VTI1A: variants seen among roughly 807,000 people sequenced by gnomAD.
The protein encoded by VTI1A is vesicle transport through interaction with t-SNAREs homolog 1A.
VTI1A carries 22 observed loss-of-function variants against 34.9 expected under a neutral mutation model. The ratio of observed to expected loss-of-function variants is 0.63; its 90% CI spans 0.45 to 0.90. The LOEUF (loss-of-function observed/expected upper bound fraction) is 0.90, where lower values mean the gene tolerates loss of function less well. Among genes scored for constraint, VTI1A ranks in the 40% least tolerant of loss-of-function variants. The probability of loss-of-function intolerance (pLI) is 0.00; values close to 1 mark genes in which losing one functional copy is unlikely to be tolerated. For missense variants in VTI1A, 268 were observed against 275.6 expected (o/e 0.97, Z 0.20); for synonymous variants, 87 against 97.3 (o/e 0.89, Z 0.62).
intron 3 of VTI1A, among the ~76,000 whole-genome samples, chr10:112,493,689 A>T (rs1451791487): frequency 6.6e-6 from 1 of 152,064 alleles, no homozygotes; most frequent in Non-Finnish European, 1.5e-5. Flanking sequence ...TAGGTGTTGG[A>T]TTTCATCAAA....
intron 3 of VTI1A, among the ~76,000 whole-genome samples, chr10:112,478,666 ACT>A (rs1202814406): frequency 6.6e-6 from 1 of 152,126 alleles, no homozygotes; most frequent in African/African-American, 2.4e-5. Flanking sequence ...GAAATTAATC[ACT>A]CTATGATAGT....
chr10:112,738,717 G>A (rs7086803), intron 7 of VTI1A, among the ~76,000 whole-genome samples: 29,671 of 152,096 alleles, frequency 0.2, 6,948 homozygotes, highest in African/African-American at 0.56. Flanking sequence ...TGAGTTTACA[G>A]TACGACAGAA....
chr10:112,538,800 T>A (rs1850751839), intron 5 of VTI1A, among the ~76,000 whole-genome samples: 1 of 151,424 alleles, frequency 6.6e-6, no homozygotes, highest in Admixed American at 6.6e-5. Flanking sequence ...TTCCTAATAA[T>A]CCTGTTTAAA....
chr10:112,514,115 T>C (rs1849698947), intron 3 of VTI1A, among the ~76,000 whole-genome samples: 1 of 152,048 alleles, frequency 6.6e-6, no homozygotes, highest in Admixed American at 6.6e-5. Flanking sequence ...TTTGGTAGAA[T>C]TCAGCAGTGA....
the VTI1A span, among the ~76,000 whole-genome samples, chr10:112,838,535 T>C: frequency 5.9e-5 from 9 of 152,320 alleles, no homozygotes; most frequent in African/African-American, 2.2e-4. Context: ...CAGTATTTTA[T>C]TGAAAGCATC....
chr10:112,619,580 C>T (rs949921253), intron 5 of VTI1A, among the ~76,000 whole-genome samples: 1 of 152,284 alleles, frequency 6.6e-6, no homozygotes. Context: ...AATATGTAGA[C>T]TATGTTTATT....
intron 7 of VTI1A, among the ~76,000 whole-genome samples, chr10:112,723,061 C>T (rs1356820722): frequency 6.6e-6 from 1 of 152,156 alleles, no homozygotes; most frequent in African/African-American, 2.4e-5. Flanking sequence ...TCACTCTGTG[C>T]CTCAAGTTCT....
intron 5 of VTI1A, among the ~76,000 whole-genome samples, chr10:112,624,380 C>T (rs1308506058): frequency 2.6e-5 from 4 of 152,106 alleles, no homozygotes; most frequent in African/African-American, 7.2e-5. Flanking sequence ...GATGTATTTG[C>T]TAGTGGTTCC....
chr10:112,854,046 C>G, the VTI1A span, among the ~76,000 whole-genome samples: 2 of 152,126 alleles, frequency 1.3e-5, no homozygotes, highest in African/African-American at 2.4e-5. Flanking sequence ...CAGCATGAAC[C>G]TAGAGCTGGA....
In VTI1A at chr10:112,815,618, G is replaced by A. The variant is rs2134096970; in HGVS notation, c.*235G>A. ...CCAGATTCGTTTTTTAGAGGGGAAG[G>A]TGAATGTTTATTTACCTTTTTGCTA... On this transcript the variant is annotated 3_prime_UTR_variant, in exon 8 of 8. Coordinates refer to ENST00000393077, the MANE Select transcript of VTI1A (RefSeq NM_145206.4). 5.6e-6 allele frequency: 3 copies of A among 536,818 alleles called. No homozygotes were observed. Among genetic ancestry groups the A allele is most frequent in the South Asian group, 2.1e-5 (1 of 46,780 alleles). The allele number at this position is 536,818 out of a possible 1,614,324, so 33.3% of individuals were successfully genotyped here. A position where few individuals can be genotyped will look rare whatever the true frequency, so the allele number is the denominator to read the frequency against.
intron 7 of VTI1A, among the ~76,000 whole-genome samples, chr10:112,786,580 A>T (rs540700667): frequency 1.1e-4 from 17 of 152,334 alleles, no homozygotes; most frequent in South Asian, 6.2e-4. Context: ...TAAATTTTTC[A>T]TAGATGCTCT....
rs556217775 is a variant in VTI1A, at chr10:112,719,084, G to A, written c.560+50086G>A. ...TCTGAAATTACCTGTATTCACTGTA[G>A]AGAAGGAAAGACTTTTATCTTTCAC... is the stretch of plus-strand genomic sequence containing the variant. On this transcript the variant is annotated intron_variant, in intron 7 of 7. Transcript: ENST00000393077. Among the ~76,000 whole-genome samples, 13 of 152,326 alleles carry A rather than the reference G, an allele frequency of 8.5e-5. No individual in the cohort carries two copies. In the South Asian group the frequency reaches 2.7e-3, roughly 32 times the overall value.
intron 3 of VTI1A, among the ~76,000 whole-genome samples, chr10:112,501,459 A>C (rs562443828): frequency 6.6e-6 from 1 of 152,308 alleles, no homozygotes; most frequent in South Asian, 2.1e-4. Context: ...TTCTTAAAAG[A>C]TATTTACAAA....
intron 5 of VTI1A, among the ~76,000 whole-genome samples, chr10:112,644,551 A>G (rs1185650051): frequency 6.6e-6 from 1 of 152,156 alleles, no homozygotes; most frequent in Non-Finnish European, 1.5e-5. Context: ...GATCTTTCTT[A>G]AGCAGAATTT....
At chr10:112,545,917 G>A (rs1478998618) in intron 5 of VTI1A, among the ~76,000 whole-genome samples, 2 of 151,776 alleles carry the variant, frequency 1.3e-5, no homozygotes, top group Middle Eastern at 3.4e-3. Flanking sequence ...GGGTGTGTGT[G>A]TGTGCATGTG....
intron 5 of VTI1A, among the ~76,000 whole-genome samples, chr10:112,587,192 C>T (rs1260236344): frequency 6.6e-6 from 1 of 152,096 alleles, no homozygotes; most frequent in Admixed American, 6.5e-5. Flanking sequence ...TCTGCTTGTG[C>T]TACTTCCAAA....
intron 3 of VTI1A, among the ~76,000 whole-genome samples, chr10:112,466,131 A>T (rs1343890569): frequency 6.6e-6 from 1 of 152,192 alleles, no homozygotes; most frequent in Non-Finnish European, 1.5e-5. Context: ...GTATTTCTGA[A>T]TCTGGGGCCC....
intron 3 of VTI1A, among the ~76,000 whole-genome samples, chr10:112,488,641 A>C (rs571312549): frequency 7.9e-5 from 12 of 152,302 alleles, no homozygotes; most frequent in Non-Finnish European, 1.6e-4. Flanking sequence ...CACTTCTTGT[A>C]GTGGTCTGAC....
intron 5 of VTI1A, among the ~76,000 whole-genome samples, chr10:112,590,768 A>T (rs1844358345): frequency 6.6e-6 from 1 of 152,178 alleles, no homozygotes; most frequent in African/African-American, 2.4e-5. Context: ...GTATATGCCC[A>T]AGATAATAAT....
Sources: allele counts gnomAD v4.1 joint callset (sites outside exome capture counted in the v4.1 genomes callset), GRCh38; gene constraint gnomAD v4.1.1; transcripts MANE v1.5; gene names NCBI Gene and HGNC (gene_info 2026-07-23, HGNC 2026-07-21).